The following IGF1R variants were observed in gnomAD, a reference collection of about 807,000 sequenced individuals.
The protein encoded by IGF1R is insulin like growth factor 1 receptor, also known as insulin-like growth factor 1 receptor.
IGF1R carries 44 observed loss-of-function variants against 144.6 expected under a neutral mutation model. The ratio of observed to expected loss-of-function variants is 0.30; its 90% confidence interval spans 0.24 to 0.39. IGF1R has a LOEUF of 0.39. IGF1R is among the 10% of genes least tolerant of loss of function. The probability of loss-of-function intolerance (pLI) is 1.00; values close to 1 mark genes in which losing one functional copy is unlikely to be tolerated. For synonymous variants in IGF1R, 795 were observed against 722.8 expected, an observed-to-expected ratio of 1.10 and a Z score of -1.60; for missense variants, 1,355 against 1,833.7, an observed-to-expected ratio of 0.74 and a Z score of 4.77.
chr15:98,733,642 T>A (rs1328692240), intron 2 of IGF1R, among the ~76,000 whole-genome samples: 1 of 152,158 alleles, frequency 6.6e-6, no homozygotes, highest in Admixed American at 6.5e-5. Context: ...TAAGCTGATT[T>A]GTAGAATCAG....
chr15:98,953,762 C>G (rs556491713), intron 20 of IGF1R, among the ~76,000 whole-genome samples: 32 of 152,326 alleles, frequency 2.1e-4, no homozygotes, highest in Non-Finnish European at 3.8e-4. Context: ...ATAGATGAGT[C>G]TGAAACAAAC....
chr15:98,727,180 G>T (rs1371819829), intron 2 of IGF1R, among the ~76,000 whole-genome samples: 1 of 152,186 alleles, frequency 6.6e-6, no homozygotes, highest in East Asian at 1.9e-4. Flanking sequence ...TAGCTGTGAT[G>T]AATGACAGGT....
At chr15:98,731,779 C>A (rs11633294) in intron 2 of IGF1R, among the ~76,000 whole-genome samples, 42,443 of 152,092 alleles carry the variant, frequency 0.28, 6,215 homozygotes, top group South Asian at 0.38. Context: ...TTGTACATAG[C>A]CGTGAGCCGG....
chr15:98,927,243 T>G (rs2015757783), intron 13 of IGF1R, among the ~76,000 whole-genome samples: 1 of 152,222 alleles, frequency 6.6e-6, no homozygotes, highest in African/African-American at 2.4e-5. Flanking sequence ...TTTTTCCTTA[T>G]GTCAGACAAG....
intron 2 of IGF1R, chr15:98,734,769 T>C (rs2054574077): frequency 6.6e-6 from 1 of 152,246 alleles, no homozygotes; most frequent in Admixed American, 6.5e-5. Flanking sequence ...TTCCTATTTA[T>C]AATGTCTTTG....
intron 2 of IGF1R, among the ~76,000 whole-genome samples, chr15:98,869,512 C>T (rs1471887937): frequency 1.3e-5 from 2 of 151,628 alleles, no homozygotes; most frequent in Admixed American, 6.6e-5. Flanking sequence ...TCCGGCTCAC[C>T]GCAACCTCCA....
intron 1 of IGF1R, among the ~76,000 whole-genome samples, chr15:98,668,107 C>T (rs1157626396): frequency 6.6e-6 from 1 of 152,150 alleles, no homozygotes; most frequent in Non-Finnish European, 1.5e-5. Context: ...TCTTGGCTTG[C>T]AGATGACAAA....
intron 2 of IGF1R, among the ~76,000 whole-genome samples, chr15:98,830,596 G>A (rs2056982213): frequency 6.9e-6 from 1 of 145,062 alleles, no homozygotes; most frequent in African/African-American, 2.7e-5. Context: ...TCCAACATCT[G>A]ATCATCATCT....
intron 2 of IGF1R, among the ~76,000 whole-genome samples, chr15:98,882,946 G>A (rs963993724): frequency 3.9e-5 from 6 of 152,318 alleles, no homozygotes; most frequent in Non-Finnish European, 7.3e-5. Flanking sequence ...TTCTGCTCAG[G>A]TGTACCTTTC....
At chr15:98,829,659 G>A (rs903117763) in intron 2 of IGF1R, among the ~76,000 whole-genome samples, 1 of 152,322 alleles carries the variant, frequency 6.6e-6, no homozygotes, top group Non-Finnish European at 1.5e-5. Context: ...GGCAGGCCAC[G>A]AGGGCTCCTG....
At chr15:98,682,379 A>G (rs1238200383) in intron 1 of IGF1R, among the ~76,000 whole-genome samples, 5 of 152,106 alleles carry the variant, frequency 3.3e-5, no homozygotes, top group South Asian at 2.1e-4. Context: ...TTGAAGAAGC[A>G]TATCTGTGCT....
rs76391669 is a variant in IGF1R at position 98,734,015 on chromosome 15, A to G, written c.640+25908A>G. ...ATTAGTGTTCCGAGCCATAGGTAAC[A>G]TTAGCCTGCCTCGTAGGACCCTCAG... On this transcript the variant is annotated intron_variant, in intron 2 of 20. Coordinates refer to ENST00000650285, the MANE Select transcript of IGF1R (RefSeq NM_000875.5). 7.6e-3 allele frequency among the ~76,000 whole-genome samples: 1,160 copies of G among 152,202 alleles called. 22 individuals are homozygous for G. Among genetic ancestry groups the G allele is most frequent in the African/African-American group, 0.026 (1,094 of 41,564 alleles).
At chr15:98,808,308 TC>T (rs989754061) in intron 2 of IGF1R, among the ~76,000 whole-genome samples, 1 of 152,254 alleles carries the variant, frequency 6.6e-6, no homozygotes, top group East Asian at 1.9e-4. Flanking sequence ...TTGAAAGAGT[TC>T]CGTATTATTT....
intron 2 of IGF1R, among the ~76,000 whole-genome samples, chr15:98,804,586 C>T (rs1033345582): frequency 6.6e-6 from 1 of 152,188 alleles, no homozygotes; most frequent in African/African-American, 2.4e-5. Context: ...AGCGCACACA[C>T]AGCACCTGCA....
chr15:98,652,914 G>C (rs938863646), intron 1 of IGF1R, among the ~76,000 whole-genome samples: 1 of 148,540 alleles, frequency 6.7e-6, no homozygotes, highest in Non-Finnish European at 1.5e-5. Context: ...AATGGTATGT[G>C]AATTATATCT....
chr15:98,819,128 G>C (rs1567144575), intron 2 of IGF1R, among the ~76,000 whole-genome samples: 2 of 152,092 alleles, frequency 1.3e-5, no homozygotes, highest in Admixed American at 6.6e-5. Flanking sequence ...TCCAGGGGGG[G>C]CAAGCTAAGA....
At chr15:98,936,341 C>A (rs546282722) in intron 17 of IGF1R, among the ~76,000 whole-genome samples, 7 of 152,342 alleles carry the variant, frequency 4.6e-5, no homozygotes, top group East Asian at 1.9e-4. Flanking sequence ...GTGTCTCCCC[C>A]CTCTGTAGTA....
intron 2 of IGF1R, among the ~76,000 whole-genome samples, chr15:98,823,809 C>G (rs890004125): frequency 6.6e-6 from 1 of 152,078 alleles, no homozygotes; most frequent in Non-Finnish European, 1.5e-5. Flanking sequence ...TTAAAACTCC[C>G]AGAAAATATT....
intron 2 of IGF1R, among the ~76,000 whole-genome samples, chr15:98,767,765 T>C (rs1381410018): frequency 2.0e-5 from 3 of 152,180 alleles, no homozygotes. Context: ...CATCTGACAG[T>C]GGGTATGGTG....
Sources: gnomAD v4.1 joint callset for allele counts (sites outside exome capture counted in the v4.1 genomes callset) on GRCh38, gnomAD v4.1.1 for gene constraint, MANE v1.5 for transcripts, NCBI Gene and HGNC (gene_info 2026-07-23, HGNC 2026-07-21) for gene names.